Variants in CASZ1 observed in about 807,000 individuals in gnomAD.
CASZ1 encodes zinc finger protein castor homolog 1.
Under a neutral mutation model 135.2 loss-of-function variants are expected in CASZ1, and 28 were observed. The observed-to-expected ratio is 0.21, with a 90% CI of 0.15 to 0.28. The LOEUF (loss-of-function observed/expected upper bound fraction) is 0.28. CASZ1 is among the 10% of genes least tolerant of loss of function. The pLI, the probability that CASZ1 is intolerant of heterozygous loss-of-function variation, is 1.00. For missense variants in CASZ1, 2,161 were observed against 2,453.3 expected (o/e 0.88, Z 2.52); for synonymous variants, 1,068 against 1,073.4 (o/e 0.99, Z 0.10).
Position 10,657,945 on chromosome 1 carries a change from CTG to C in CASZ1, c.1409+561_1409+562del, listed in dbSNP as rs1199839955. On this transcript the variant is annotated intron_variant, in intron 7 of 20. Transcript: ENST00000377022. The surrounding 1 kb of genome is among the most constrained non-coding windows in gnomAD (Gnocchi z 5.7). ...AGCCTCACTGGGGAAGTGCATTGGGCTGTGTCAGAGAGGACGACAGCCCACAC... is the reference window on the plus strand; with the variant it reads ...AGCCTCACTGGGGAAGTGCATTGGGCTGTCAGAGAGGACGACAGCCCACAC... The C allele has an allele frequency of 3.3e-5, 5 of 152,460 alleles. No homozygotes were observed. The highest frequency in any genetic ancestry group is 7.3e-5 in the Non-Finnish European group (5 of 68,622). 9.4% of individuals were successfully genotyped at this position (152,460 alleles called of 1,614,324 possible). A position where few individuals can be genotyped will look rare whatever the true frequency, so the allele number is the denominator to read the frequency against.
In CASZ1 at chr1:10,735,413, G is replaced by T. The variant is rs554602311; in HGVS notation, c.-77+25288C>A. Among the ~76,000 whole-genome samples the T allele has an allele frequency of 6.6e-6, 1 of 152,334 alleles. No homozygotes were observed. The highest frequency in any genetic ancestry group is 2.4e-5 in the African/African-American group (1 of 41,584). Reference sequence around the variant, plus strand: ...GCGAGGCCCGGGAGCTCTGGGAGGGGACGGGGGACTGGCGGAGTCAGGCGC... The same window carrying T: ...GCGAGGCCCGGGAGCTCTGGGAGGGTACGGGGGACTGGCGGAGTCAGGCGC... On this transcript the variant is annotated intron_variant, in intron 2 of 20. Transcript: ENST00000377022. This position sits in a 1 kb window ranked among gnomAD's most constrained non-coding sequence, Gnocchi z 5.1.
In CASZ1 at chr1:10,654,107, C is replaced by T; in HGVS notation, c.1950G>A (p.Lys650=). The T allele has an allele frequency of 6.2e-7, 1 of 1,614,230 alleles. No individual in the cohort carries two copies. The highest frequency in any genetic ancestry group is 1.1e-5 in the South Asian group (1 of 91,088). The change falls in exon 11 of 21, where the codon AAG becomes AAA. Residue 650 remains lysine, a synonymous_variant. Transcript: ENST00000377022. ...YAKDGFKKFY[K]YEECKYEGCV... ...AGCCCTCGTACTTGCACTCCTCGTA[C>T]TTGTAGAACTTCTTGAAGCCGTCCT...
At chr1:10,640,182 G>A (rs1642154479) in intron 20 of CASZ1, 123 bp from the exon 21 acceptor site, 5 of 1,404,798 alleles carry the variant, frequency 3.6e-6, no homozygotes, top group Non-Finnish European at 4.8e-6. Flanking sequence ...GGGAGCCCTC[G>A]GCTTCCCCTG....
rs1039932642 is a variant in CASZ1 at position 10,769,638 on chromosome 1, T to C, written c.-233-8781A>G. On this transcript the variant is annotated intron_variant, in intron 1 of 20. Transcript: ENST00000377022. ...TTCAAGCGATTCTCCTGCCTCTGCCTCCCGAATAGCTGGGATTACAGGTGC... is the reference window on the plus strand; with the variant it reads ...TTCAAGCGATTCTCCTGCCTCTGCCCCCCGAATAGCTGGGATTACAGGTGC... Among the ~76,000 whole-genome samples, 36 of 152,100 alleles carry C rather than the reference T, an allele frequency of 2.4e-4. 1 individual carries two copies. The highest frequency in any genetic ancestry group is 2.4e-3 in the Admixed American group (36 of 15,270).
At position 10,656,646 on chromosome 1, in the gene CASZ1, C is replaced by A; in HGVS notation, c.1500G>T (p.Gln500His). 6.3e-7 allele frequency: 1 copy of A among 1,594,124 alleles called. No individual in the cohort carries two copies. The highest frequency in any genetic ancestry group is 2.3e-5 in the East Asian group (1 of 44,262). Residue 500 changes from glutamine (Q) to histidine (H), a missense_variant and splice_region_variant, in exon 8 of 21, where the codon CAG becomes CAT. By Grantham distance (24) the Gln-to-His change is conservative. Coordinates refer to ENST00000377022, the MANE Select transcript of CASZ1 (RefSeq NM_001079843.3). ...YHCLDPECNY[Q>H]RFTSKQDVIR... ...GGAGCCCATCTGGCTGTGGCCGTAC[C>A]TGGTAGTTACACTCAGGGTCAAGGC...
rs1271765689 is a variant in CASZ1, at chr1:10,649,286, C to T, written c.3032G>A (p.Arg1011His). 5 of 1,599,266 alleles carry T rather than the reference C, an allele frequency of 3.1e-6. No individual in the cohort carries two copies. Among genetic ancestry groups the T allele is most frequent in the Middle Eastern group, 1.7e-4 (1 of 6,040 alleles). ...GACGCGGCCAGCAGCCCCTCACCTG[C>T]GCAGGTACACCTTCCAGGGCTCTGC... ...KLAEPWKVYL[R>H]RFGTKDFCDG... Residue 1011 changes from arginine to histidine, a missense_variant, in exon 14 of 21, where the codon CGC (arginine) becomes CAC (histidine). By Grantham distance (29) the Arg-to-His change is conservative. Around this residue, in one of 7 missense-constraint regions of CASZ1, gnomAD observed 349 missense variants for 460.8 expected, o/e 0.76. Transcript: ENST00000377022.
At chr1:10,692,098 C>T (rs192929632) in intron 4 of CASZ1, among the ~76,000 whole-genome samples, 11 of 152,338 alleles carry the variant, frequency 7.2e-5, no homozygotes, top group African/African-American at 2.4e-4. Flanking sequence ...GAGGCTCTGC[C>T]ACCTGCCTCC....
At position 10,788,038 on chromosome 1, in the gene CASZ1, A is replaced by G. The variant is rs959112268; in HGVS notation, c.-234+8526T>C. Among the ~76,000 whole-genome samples the G allele has an allele frequency of 6.6e-6, 1 of 152,228 alleles. No homozygotes were observed. Among genetic ancestry groups the G allele is most frequent in the Non-Finnish European group, 1.5e-5 (1 of 68,030 alleles). ...AGAGCAAACTATCCAAGGTTCAAACATGACCTTGCCTAAGACCGTTGCTCA... is the reference window on the plus strand; with the variant it reads ...AGAGCAAACTATCCAAGGTTCAAACGTGACCTTGCCTAAGACCGTTGCTCA... On this transcript the variant is annotated intron_variant, in intron 1 of 20. Coordinates refer to ENST00000377022, the MANE Select transcript of CASZ1 (RefSeq NM_001079843.3). The surrounding 1 kb of genome is among the most constrained non-coding windows in gnomAD (Gnocchi z 4.1).
rs1259980187 is a variant in CASZ1, at chr1:10,788,113, T to A, written c.-234+8451A>T. Among the ~76,000 whole-genome samples, 1 of 152,108 alleles carries A rather than the reference T, an allele frequency of 6.6e-6. No individual in the cohort carries two copies. The highest frequency in any genetic ancestry group is 2.4e-5 in the African/African-American group (1 of 41,420). On this transcript the variant is annotated intron_variant, in intron 1 of 20. Coordinates refer to ENST00000377022, the MANE Select transcript of CASZ1 (RefSeq NM_001079843.3). This position sits in a 1 kb window ranked among gnomAD's most constrained non-coding sequence, Gnocchi z 4.1. The stretch of plus-strand genomic sequence containing the variant: ...TTAGCTGGATACGGGGATGTTCTCA[T>A]CCAGAACATCCCTTTATATGTGCCC...
At chr1:10,780,412 C>T (rs1485462467) in intron 1 of CASZ1, among the ~76,000 whole-genome samples, 1 of 152,116 alleles carries the variant, frequency 6.6e-6, no homozygotes, top group Non-Finnish European at 1.5e-5. Flanking sequence ...ACCTCATTAC[C>T]AAAAAGATGG....
At chr1:10,760,438 G>C (rs1389291456) in intron 2 of CASZ1, among the ~76,000 whole-genome samples, 1 of 152,264 alleles carries the variant, frequency 6.6e-6, no homozygotes, top group Non-Finnish European at 1.5e-5. Context: ...TCACGGGTGG[G>C]GAAACCGAGA....
intron 1 of CASZ1, among the ~76,000 whole-genome samples, chr1:10,763,859 GCTGTTTT>G (rs1332371609): frequency 1.3e-5 from 2 of 152,038 alleles, no homozygotes; most frequent in African/African-American, 4.8e-5. Context: ...CGCTCCATTC[GCTGTTTT>G]CTGTTTTCTT....
Position 10,706,171 on chromosome 1 carries a change from C to G in CASZ1, c.-76-627G>C, listed in dbSNP as rs528947670. Among the ~76,000 whole-genome samples the G allele has an allele frequency of 6.6e-6, 1 of 152,374 alleles. No individual in the cohort carries two copies. Among genetic ancestry groups the G allele is most frequent in the East Asian group, 1.9e-4 (1 of 5,180 alleles). On this transcript the variant is annotated intron_variant, in intron 2 of 20. Coordinates refer to ENST00000377022, the MANE Select transcript of CASZ1 (RefSeq NM_001079843.3). This position sits in a 1 kb window ranked among gnomAD's most constrained non-coding sequence, Gnocchi z 4.3. ...AGTCATCACAGCCCATGTCCAGAGA[C>G]CGTGCAGGGAGAGGGACGATGGTCA...
At position 10,645,142 on chromosome 1, in the gene CASZ1, G is replaced by T. The variant is rs1014869241; in HGVS notation, c.3697-54C>A. The T allele has an allele frequency of 5.2e-6, 8 of 1,541,058 alleles. No homozygotes were observed. The African/African-American group carries it at 1.1e-4, about 21-fold the overall frequency. On this transcript the variant is annotated intron_variant, in intron 17 of 20. Coordinates refer to ENST00000377022, the MANE Select transcript of CASZ1 (RefSeq NM_001079843.3). The stretch of plus-strand genomic sequence containing the variant: ...AGGCGGGTGACTTTCAAGAGCTCCT[G>T]CCTGCCCCGGGCCTGAGGCTGTGGT...
chr1:10,704,402 C>T (rs1023997620), intron 3 of CASZ1: 50 of 152,452 alleles, frequency 3.3e-4, no homozygotes, highest in South Asian at 6.2e-4. Context: ...CCGGCCCCAG[C>T]GAGAGTGCAG....
chr1:10,649,590 G>T, intron 13 of CASZ1, 153 bp from the exon 14 acceptor site: 1 of 858,338 alleles, frequency 1.2e-6, no homozygotes, highest in Non-Finnish European at 1.8e-6. Flanking sequence ...CTCTGGCTGT[G>T]GCTGGGCCCT....
In CASZ1 at chr1:10,774,333, G is replaced by A. The variant is rs527681496; in HGVS notation, c.-233-13476C>T. On this transcript the variant is annotated intron_variant, in intron 1 of 20. Transcript: ENST00000377022. The surrounding 1 kb of genome is among the most constrained non-coding windows in gnomAD (Gnocchi z 4.4). Reference sequence around the variant, plus strand: ...AATGTTCTCAACTCTGACTGCTTTCGGCAGCACACTGTCAAATCTGCCCTG... The same window carrying A: ...AATGTTCTCAACTCTGACTGCTTTCAGCAGCACACTGTCAAATCTGCCCTG... Among the ~76,000 whole-genome samples the A allele has an allele frequency of 1.5e-3, 233 of 152,104 alleles. 1 individual carries two copies. Among genetic ancestry groups the A allele is most frequent in the African/African-American group, 5.2e-3 (217 of 41,498 alleles).
intron 3 of CASZ1, among the ~76,000 whole-genome samples, chr1:10,696,030 G>A (rs975488535): frequency 1.3e-5 from 2 of 152,242 alleles, no homozygotes; most frequent in African/African-American, 4.8e-5. Flanking sequence ...TCTTTGGACA[G>A]CATCCAGCAA....
chr1:10,650,632 C>G (rs1570411001), intron 13 of CASZ1, 60 bp downstream of exon 13: 4 of 1,407,050 alleles, frequency 2.8e-6, no homozygotes, highest in Non-Finnish European at 4.0e-6. Context: ...CCCCACCCCC[C>G]AGCACAGCTT....
Sources: allele counts gnomAD v4.1 joint callset (sites outside exome capture counted in the v4.1 genomes callset), GRCh38; gene constraint gnomAD v4.1.1; regional missense constraint gnomAD v4.1.1; non-coding constraint Gnocchi (gnomAD v3.1); transcripts MANE v1.5; gene names NCBI Gene and HGNC (gene_info 2026-07-23, HGNC 2026-07-21).